Variants in RERE observed in about 807,000 individuals in gnomAD.
The protein encoded by RERE is arginine-glutamic acid dipeptide repeats protein.
A neutral mutation model predicts 146.1 loss-of-function variants in RERE; 40 were observed. The observed-to-expected ratio is 0.27, with a 90% CI of 0.21 to 0.36. The LOEUF (loss-of-function observed/expected upper bound fraction) is 0.36. Among genes scored for constraint, RERE ranks in the 10% least tolerant of loss-of-function variants. The pLI is 1.00. For missense variants in RERE, 1,933 were observed against 2,138.7 expected (o/e 0.90, Z 1.90); for synonymous variants, 1,003 against 866.0 (o/e 1.16, Z -2.78).
At chr1:8,697,795 G>C (rs543544974) in intron 1 of RERE, among the ~76,000 whole-genome samples, 11 of 152,246 alleles carry the variant, frequency 7.2e-5, no homozygotes, top group African/African-American at 2.6e-4. Flanking sequence ...ATGAACAGTA[G>C]TGTCTGTGGC....
At chr1:8,499,877 T>G (rs1305708103) in intron 8 of RERE, among the ~76,000 whole-genome samples, 2 of 152,240 alleles carry the variant, frequency 1.3e-5, no homozygotes, top group Non-Finnish European at 2.9e-5. Flanking sequence ...CCCAGCACTT[T>G]CAGAGGCCGA....
chr1:8,580,698 C>CTCGA (rs1646353493), intron 4 of RERE, among the ~76,000 whole-genome samples: 1 of 152,030 alleles, frequency 6.6e-6, no homozygotes, highest in South Asian at 2.1e-4. Context: ...CATAGAAAAC[C>CTCGA]TCGATCTAGC....
At chr1:8,689,192 T>C (rs1451917979) in intron 1 of RERE, among the ~76,000 whole-genome samples, 1 of 152,210 alleles carries the variant, frequency 6.6e-6, no homozygotes, top group African/African-American at 2.4e-5. Flanking sequence ...ATAAACTTTG[T>C]AGAGACTCAG....
chr1:8,509,474 C>A (rs749905141), intron 7 of RERE, among the ~76,000 whole-genome samples: 2 of 152,092 alleles, frequency 1.3e-5, no homozygotes, highest in African/African-American at 2.4e-5. Flanking sequence ...TATTTAAGTA[C>A]CTACTATAAG....
intron 4 of RERE, among the ~76,000 whole-genome samples, chr1:8,568,996 G>A (rs911726634): frequency 2.0e-5 from 3 of 152,116 alleles, no homozygotes; most frequent in Non-Finnish European, 4.4e-5. Context: ...AAATTTCGCA[G>A]ATAAATTAAA....
chr1:8,381,242 C>T (rs2124407219), intron 12 of RERE, among the ~76,000 whole-genome samples: 1 of 152,194 alleles, frequency 6.6e-6, no homozygotes, highest in South Asian at 2.1e-4. Context: ...TAACATGATT[C>T]CCCTCCTCCC....
At chr1:8,511,908 A>C (rs1645341625) in intron 7 of RERE, 1 of 151,434 alleles carries the variant, frequency 6.6e-6, no homozygotes, top group African/African-American at 2.4e-5. Flanking sequence ...GCCAGGTGCA[A>C]AGTGAGTCTG....
chr1:8,746,573 G>C (rs1484144478), intron 1 of RERE, among the ~76,000 whole-genome samples: 1 of 152,018 alleles, frequency 6.6e-6, no homozygotes, highest in Non-Finnish European at 1.5e-5. Context: ...TCAAAGTATG[G>C]TTTCTATTGA....
At chr1:8,588,380 G>T (rs1182679962) in intron 4 of RERE, among the ~76,000 whole-genome samples, 2 of 152,038 alleles carry the variant, frequency 1.3e-5, no homozygotes, top group Non-Finnish European at 2.9e-5. Flanking sequence ...CCCTCAAAGT[G>T]CCTGGGCTGG....
chr1:8,424,305 T>C (rs1029639757), intron 11 of RERE: 1 of 152,210 alleles, frequency 6.6e-6, no homozygotes, highest in Non-Finnish European at 1.5e-5. Context: ...ATAAATCACC[T>C]GCCCACCGGG....
chr1:8,753,033 C>T (rs1197264792), intron 1 of RERE, among the ~76,000 whole-genome samples: 1 of 152,162 alleles, frequency 6.6e-6, no homozygotes, highest in Admixed American at 6.5e-5. Flanking sequence ...TTTTAAAGGT[C>T]TGTTTATGAA....
intron 1 of RERE, chr1:8,786,939 T>G: frequency 1.4e-6 from 1 of 705,766 alleles, no homozygotes; most frequent in Non-Finnish European, 2.5e-6. Flanking sequence ...CCTCCATGGT[T>G]CCAGCTGGTA....
At chr1:8,774,626 C>A (rs1390339082) in intron 1 of RERE, among the ~76,000 whole-genome samples, 1 of 151,846 alleles carries the variant, frequency 6.6e-6, no homozygotes, top group Non-Finnish European at 1.5e-5. Flanking sequence ...ACTGCTGGGA[C>A]TACAGGCATG....
intron 1 of RERE, among the ~76,000 whole-genome samples, chr1:8,794,982 T>C (rs1245876978): frequency 2.0e-5 from 3 of 152,106 alleles, no homozygotes; most frequent in East Asian, 3.9e-4. Flanking sequence ...CCAGCTAATA[T>C]TTTTTATTAT....
intron 1 of RERE, among the ~76,000 whole-genome samples, chr1:8,669,663 G>A (rs1459086200): frequency 6.6e-6 from 1 of 152,168 alleles, no homozygotes; most frequent in Non-Finnish European, 1.5e-5. Context: ...ACGTAATGCT[G>A]AGAATGAAAG....
intron 12 of RERE, among the ~76,000 whole-genome samples, chr1:8,409,113 G>C (rs1440739796): frequency 4.6e-5 from 7 of 152,234 alleles, no homozygotes; most frequent in Non-Finnish European, 7.3e-5. Context: ...CTGGGGAAAA[G>C]AGACTGTGCC....
intron 7 of RERE, among the ~76,000 whole-genome samples, chr1:8,539,785 A>C (rs931932509): frequency 2.0e-5 from 3 of 152,166 alleles, no homozygotes; most frequent in Non-Finnish European, 2.9e-5. Flanking sequence ...ACTATCTAGA[A>C]TCTAGCTTCT....
At chr1:8,440,610 G>A (rs1644233295) in intron 11 of RERE, among the ~76,000 whole-genome samples, 1 of 148,682 alleles carries the variant, frequency 6.7e-6, no homozygotes. Flanking sequence ...AAAAAAGGCT[G>A]GGCACGGTGG....
chr1:8,669,963 A>G (rs144143406), intron 1 of RERE, among the ~76,000 whole-genome samples: 1 of 152,360 alleles, frequency 6.6e-6, no homozygotes, highest in East Asian at 1.9e-4. Context: ...TACAAATTAT[A>G]TCAAAGGAAA....
Sources: allele counts gnomAD v4.1 joint callset (sites outside exome capture counted in the v4.1 genomes callset), GRCh38; gene constraint gnomAD v4.1.1; transcripts MANE v1.5; gene names NCBI Gene and HGNC (gene_info 2026-07-23, HGNC 2026-07-21).